Variants in TPRG1 observed in about 807,000 individuals in gnomAD.
TPRG1 encodes the protein tumor protein p63-regulated gene 1 protein.
Under a neutral mutation model 29.3 loss-of-function variants are expected in TPRG1, and 29 were observed. That is an observed-to-expected ratio of 0.99 (90% CI 0.74 to 1.35). TPRG1 has a LOEUF of 1.35. Among genes scored for constraint, TPRG1 ranks in the 40% most tolerant of loss-of-function variants. The pLI, the probability that TPRG1 is intolerant of heterozygous loss-of-function variation, is 0.00. For missense variants in TPRG1, 327 were observed against 335.0 expected (o/e 0.98, Z 0.19); for synonymous variants, 130 against 116.8 (o/e 1.11, Z -0.73).
chr3:189,255,197 A>G (rs1216955128), intron 4 of TPRG1, among the ~76,000 whole-genome samples: 1 of 152,184 alleles, frequency 6.6e-6, no homozygotes, highest in Non-Finnish European at 1.5e-5. Context: ...GATATGTTCC[A>G]TCAATACCTA....
At chr3:189,262,070 A>G (rs540129095) in intron 4 of TPRG1, among the ~76,000 whole-genome samples, 23 of 152,130 alleles carry the variant, frequency 1.5e-4, no homozygotes, top group Non-Finnish European at 3.1e-4. Context: ...TATAAGAGAT[A>G]GTTTGGAGAA....
chr3:189,010,819 C>G (rs1181735996), intron 3 of TPRG1, among the ~76,000 whole-genome samples: 6 of 151,174 alleles, frequency 4.0e-5, no homozygotes, highest in African/African-American at 1.4e-4. Context: ...TGGCATCTTC[C>G]TCATGAACTC....
chr3:189,043,684 G>A (rs759856858), intron 4 of TPRG1, among the ~76,000 whole-genome samples: 47 of 152,112 alleles, frequency 3.1e-4, no homozygotes, highest in Middle Eastern at 6.3e-3. Context: ...CACTGCGATG[G>A]CACTGGAATT....
intron 3 of TPRG1, chr3:189,219,477 C>A: frequency 1.5e-6 from 1 of 674,258 alleles, no homozygotes; most frequent in Non-Finnish European, 2.1e-6. Context: ...GTGTTTATTT[C>A]CACCTTGCAG....
rs571220406 is a variant in TPRG1, at chr3:189,058,216, G to A, written c.-463+34270G>A. The stretch of plus-strand genomic sequence containing the variant: ...CACTTAGGAAGAGCGAGGTCCCAGC[G>A]ATGACAAGTAATGTAAATATGTGTT... On this transcript the variant is annotated intron_variant, in intron 4 of 10. Coordinates refer to the TPRG1 transcript ENST00000433971. Among the ~76,000 whole-genome samples the A allele has an allele frequency of 3.9e-5, 6 of 152,166 alleles. No homozygotes were observed. The East Asian group carries it at 5.8e-4, about 15-fold the overall frequency.
intron 4 of TPRG1, among the ~76,000 whole-genome samples, chr3:189,259,627 C>A (rs111603336): frequency 0.013 from 1,903 of 151,924 alleles, 43 homozygotes; most frequent in African/African-American, 0.044. Flanking sequence ...TGCCACCACA[C>A]CCTGATAATT....
At chr3:189,094,163 A>G (rs1718522624) in intron 4 of TPRG1, among the ~76,000 whole-genome samples, 1 of 152,152 alleles carries the variant, frequency 6.6e-6, no homozygotes, top group African/African-American at 2.4e-5. Context: ...AGTCCTAAAC[A>G]GAGATATTTT....
intron 4 of TPRG1, among the ~76,000 whole-genome samples, chr3:189,289,314 A>G (rs1718605243): frequency 6.6e-6 from 1 of 151,988 alleles, no homozygotes; most frequent in African/African-American, 2.4e-5. Context: ...CCCAAATCCA[A>G]TCAGGTTGTC....
chr3:189,296,462 A>T (rs76934828), intron 4 of TPRG1, among the ~76,000 whole-genome samples: 85 of 152,332 alleles, frequency 5.6e-4, no homozygotes, highest in African/African-American at 2.0e-3. Context: ...GGATATATAT[A>T]CAATTATACA....
chr3:189,049,751 T>G (rs776943351), intron 4 of TPRG1, among the ~76,000 whole-genome samples: 1 of 152,160 alleles, frequency 6.6e-6, no homozygotes, highest in Non-Finnish European at 1.5e-5. Context: ...CCACTGCACC[T>G]TCTGCCACCT....
At chr3:189,282,635 T>G (rs1717362104) in intron 4 of TPRG1, among the ~76,000 whole-genome samples, 1 of 152,192 alleles carries the variant, frequency 6.6e-6, no homozygotes, top group South Asian at 2.1e-4. Context: ...AATGATATTT[T>G]CTGTGTTTTC....
intron 3 of TPRG1, among the ~76,000 whole-genome samples, chr3:189,018,074 GTTGT>G (rs1461665776): frequency 3.9e-5 from 6 of 152,206 alleles, no homozygotes; most frequent in South Asian, 2.1e-4. Flanking sequence ...TTTTGATGGG[GTTGT>G]TTGTTTTTTT....
At chr3:189,261,061 T>G (rs987552805) in intron 4 of TPRG1, among the ~76,000 whole-genome samples, 1 of 152,190 alleles carries the variant, frequency 6.6e-6, no homozygotes, top group Non-Finnish European at 1.5e-5. Context: ...GCGGAACATC[T>G]TGTAAAATAT....
chr3:189,055,981 T>C (rs1715641186), intron 4 of TPRG1, among the ~76,000 whole-genome samples: 1 of 151,982 alleles, frequency 6.6e-6, no homozygotes, highest in African/African-American at 2.4e-5. Context: ...TCTGCTTCAA[T>C]GTCACCTCTT....
At chr3:189,284,860 A>G (rs1486941518) in intron 4 of TPRG1, among the ~76,000 whole-genome samples, 1 of 152,206 alleles carries the variant, frequency 6.6e-6, no homozygotes, top group Non-Finnish European at 1.5e-5. Flanking sequence ...AGACAATACC[A>G]TTCAGGACAT....
chr3:189,071,634 C>G (rs1051676022), intron 4 of TPRG1, among the ~76,000 whole-genome samples: 3 of 152,138 alleles, frequency 2.0e-5, no homozygotes, highest in African/African-American at 7.2e-5. Context: ...AGTAATAGCT[C>G]CAGCAAAAAC....
chr3:189,052,126 G>A (rs978824362), intron 4 of TPRG1, among the ~76,000 whole-genome samples: 1 of 152,098 alleles, frequency 6.6e-6, no homozygotes, highest in African/African-American at 2.4e-5. Flanking sequence ...GCTTTTGCAC[G>A]GCAAAAGGAA....
chr3:189,126,350 T>C (rs562089392), intron 1 of TPRG1, among the ~76,000 whole-genome samples: 36 of 152,302 alleles, frequency 2.4e-4, no homozygotes, highest in African/African-American at 8.2e-4. Flanking sequence ...CTTCTTTCCT[T>C]AGTTAAGGGA....
At chr3:189,179,338 C>T (rs1729911355) in intron 1 of TPRG1, among the ~76,000 whole-genome samples, 1 of 152,134 alleles carries the variant, frequency 6.6e-6, no homozygotes, top group African/African-American at 2.4e-5. Flanking sequence ...TTGTCACTTC[C>T]CCAGTGGTGG....
Sources: allele counts gnomAD v4.1 joint callset (sites outside exome capture counted in the v4.1 genomes callset), GRCh38; gene constraint gnomAD v4.1.1; transcripts MANE v1.5; gene names NCBI Gene and HGNC (gene_info 2026-07-23, HGNC 2026-07-21).